The following CIITA variants were observed in gnomAD, a reference collection of about 807,000 sequenced individuals.
CIITA encodes the protein class II major histocompatibility complex transactivator.
Under a neutral mutation model 115.1 loss-of-function variants are expected in CIITA, and 72 were observed. The observed-to-expected ratio is 0.63, with a 90% confidence interval of 0.52 to 0.76. The LOEUF (loss-of-function observed/expected upper bound fraction) is 0.76, where lower values mean the gene tolerates loss of function less well. Among genes scored for constraint, CIITA ranks in the 30% least tolerant of loss-of-function variants. The pLI, the probability that CIITA is intolerant of heterozygous loss-of-function variation, is 0.00. For missense variants in CIITA, 1,617 were observed against 1,463.8 expected (o/e 1.10, Z -1.71); for synonymous variants, 763 against 635.6 (o/e 1.20, Z -3.02).
At position 10,942,177 on chromosome 16, in the gene CIITA, G is replaced by T. The variant is rs1351261614; in HGVS notation, n.1303G>T. 4.0e-6 allele frequency: 2 copies of T among 501,886 alleles called. No homozygotes were observed. Among genetic ancestry groups the T allele is most frequent in the Admixed American group, 9.3e-5 (2 of 21,574 alleles). The allele number at this position is 501,886 out of a possible 1,614,324, so 31.1% of individuals were successfully genotyped here. A position where few individuals can be genotyped will look rare whatever the true frequency, so the allele number is the denominator to read the frequency against. Reference sequence around the variant, plus strand: ...AATTGCGCCCCGACCCCCGAAATGCGCCGGGCGGGTCACCGCACCCCGAGA... The same window carrying T: ...AATTGCGCCCCGACCCCCGAAATGCTCCGGGCGGGTCACCGCACCCCGAGA... On this transcript the variant is annotated non_coding_transcript_exon_variant, in exon 2 of 2. Coordinates refer to the CIITA transcript ENST00000573379. This position sits in a 1 kb window ranked among gnomAD's most constrained non-coding sequence, Gnocchi z 5.0.
At chr16:10,881,020 T>C (rs886111084) in intron 1 of CIITA, among the ~76,000 whole-genome samples, 1 of 152,158 alleles carries the variant, frequency 6.6e-6, no homozygotes, top group Non-Finnish European at 1.5e-5. Flanking sequence ...ACACCTGTAA[T>C]CCTAGCACTT....
At chr16:10,887,361 T>G (rs1210382618) in intron 1 of CIITA, among the ~76,000 whole-genome samples, 2 of 152,142 alleles carry the variant, frequency 1.3e-5, no homozygotes, top group East Asian at 3.8e-4. Context: ...CTCAGAGGGC[T>G]AAGGTAATGT....
Position 10,907,867 on chromosome 16 carries a change from A to T in CIITA, c.2375A>T (p.Tyr792Phe), listed in dbSNP as rs1234424650. 1.2e-6 allele frequency: 2 copies of T among 1,608,708 alleles called. No homozygotes were observed. The highest frequency in any genetic ancestry group is 2.7e-5 in the African/African-American group (2 of 74,716). ...AGGAAGCAGAAGGTGCTTGCGAGGT[A>T]CCTGAAGCGGCTGCAGCCGGGGACA... Reference protein sequence around the residue: ...VDRKQKVLARYLKRLQPGTLR... With the variant: ...VDRKQKVLARFLKRLQPGTLR... Residue 792 changes from tyrosine to phenylalanine, a missense_variant, in exon 11 of 20, where the codon TAC becomes TTC. Physicochemically the swap from Tyr to Phe is conservative, Grantham distance 22 (BLOSUM62 3). Transcript: ENST00000324288. The surrounding 1 kb of genome is among the most constrained non-coding windows in gnomAD (Gnocchi z 5.0).
intron 13 of CIITA, among the ~76,000 whole-genome samples, chr16:10,913,872 C>T (rs911386584): frequency 1.3e-5 from 2 of 151,624 alleles, no homozygotes; most frequent in Admixed American, 1.3e-4. Flanking sequence ...AACCGGGAGG[C>T]GGAGGTTGCG....
At chr16:10,898,898 G>T in intron 4 of CIITA, 27 bp from the exon 5 acceptor site, 1 of 1,613,372 alleles carries the variant, frequency 6.2e-7, no homozygotes, top group Non-Finnish European at 8.5e-7. Flanking sequence ...GATTGTGTGA[G>T]TTGGTCTCTG....
chr16:10,907,973 G>A lies in CIITA; in HGVS notation c.2481G>A (p.Gln827=), dbSNP rs2144743167. The A allele has an allele frequency of 6.3e-7, 1 of 1,580,856 alleles. No individual in the cohort carries two copies. Among genetic ancestry groups the A allele is most frequent in the South Asian group, 1.2e-5 (1 of 85,548 alleles). ...CTGGAATTTGGCAGCACGTGGTACA[G>A]GAGCTCCCCGGCCGCCTCTCTTTTC... The part of the protein sequence containing the change: ...EEAGIWQHVV[Q]ELPGRLSFLG... The change falls in exon 11 of 20, where the codon CAG becomes CAA. Residue 827 remains glutamine (Q), a synonymous_variant. Coordinates refer to ENST00000324288, the MANE Select transcript of CIITA (RefSeq NM_000246.4). The surrounding 1 kb of genome is among the most constrained non-coding windows in gnomAD (Gnocchi z 5.0).
At position 10,902,038 on chromosome 16, in the gene CIITA, C is replaced by A; in HGVS notation, c.482C>A (p.Ala161Asp). The change falls in exon 7 of 20, where the codon GCT becomes GAT. Residue 161 changes from alanine to aspartate, a missense_variant and splice_region_variant. Transcript: ENST00000324288. Reference protein sequence around the residue: ...LPADLKHWKPAEPPTVVTGSL... With the variant: ...LPADLKHWKPDEPPTVVTGSL... ...TCTAACACAGCCCACTTCCTCACAG[C>A]TGAGCCCCCCACTGTGGTGACTGGC... 1.2e-6 allele frequency: 2 copies of A among 1,614,090 alleles called. No homozygotes were observed. The highest frequency in any genetic ancestry group is 1.7e-6 in the Non-Finnish European group (2 of 1,180,036).
At chr16:10,937,830 C>CA (rs1481565698), downstream of CIITA, 2 of 152,210 alleles carry the variant, frequency 1.3e-5, no homozygotes, top group African/African-American at 4.8e-5. The surrounding 1 kb of genome is among the most constrained non-coding windows in gnomAD (Gnocchi z 4.2). Context: ...TCTAGGAAAA[C>CA]CACAGAGCCG....
chr16:10,936,467 T>C (rs1276805431), downstream of CIITA: 2 of 152,218 alleles, frequency 1.3e-5, no homozygotes, highest in Non-Finnish European at 2.9e-5. Context: ...TACACAGGCA[T>C]GCATATACAA....
chr16:10,905,707 A>G (rs2039096641), intron 10 of CIITA, among the ~76,000 whole-genome samples: 2 of 151,942 alleles, frequency 1.3e-5, no homozygotes, highest in Admixed American at 6.6e-5. Context: ...GGTTGCCGTG[A>G]GCTGAGATTG....
chr16:10,918,711 C>A (rs1386278262), intron 16 of CIITA, among the ~76,000 whole-genome samples, 185 bp downstream of exon 16: 1 of 152,220 alleles, frequency 6.6e-6, no homozygotes, highest in African/African-American at 2.4e-5. Context: ...TTCCTAGCCG[C>A]TGTTTTCTTA....
intron 11 of CIITA, chr16:10,908,752 T>G: frequency 1.7e-6 from 1 of 594,146 alleles, no homozygotes; most frequent in Non-Finnish European, 3.0e-6. Context: ...CTAAACATAC[T>G]TTACCCAAGC....
Position 10,902,892 on chromosome 16 carries a change from T to C in CIITA, c.772+91T>C, listed in dbSNP as rs1017090777. On this transcript the variant is annotated intron_variant, in intron 8 of 19. Transcript: ENST00000324288. ...TCCCCATACTCCATGCACTTGGCAGTGGTGCCCTAGCACCTTCTCATGATC... is the reference window on the plus strand; with the variant it reads ...TCCCCATACTCCATGCACTTGGCAGCGGTGCCCTAGCACCTTCTCATGATC... 4 of 1,491,058 alleles carry C rather than the reference T, an allele frequency of 2.7e-6. No individual in the cohort carries two copies. The African/African-American group carries it at 4.1e-5, about 15-fold the overall frequency. The allele number at this position is 1,491,058 out of a possible 1,614,324, so 92.4% of individuals were successfully genotyped here.
In CIITA at chr16:10,925,251, TAGAG is replaced by T. The variant is rs992307858; in HGVS notation, c.*1402_*1405del. ...GGTGTCCCAAAAAGAAAGGAGGGGA[TAGAG>T]AGAGACCACTTTTCATAACCTAGCC... On this transcript the variant is annotated 3_prime_UTR_variant, in exon 20 of 20. Transcript: ENST00000324288. 10 of 152,346 alleles carry T rather than the reference TAGAG, an allele frequency of 6.6e-5. No homozygotes were observed. Among genetic ancestry groups the T allele is most frequent in the Admixed American group, 3.9e-4 (6 of 15,304 alleles). 9.4% of individuals were successfully genotyped at this position (152,346 alleles called of 1,614,324 possible).
chr16:10,901,430 C>T lies in CIITA; in HGVS notation c.437-84C>T, dbSNP rs2038741234. On this transcript the variant is annotated intron_variant, in intron 5 of 19. Coordinates refer to ENST00000324288, the MANE Select transcript of CIITA (RefSeq NM_000246.4). This position sits in a 1 kb window ranked among gnomAD's most constrained non-coding sequence, Gnocchi z 6.8. ...CCACTACCCAGCCTTGAAGTTAAGG[C>T]CGTATAGCCTGCTAGAGTCCTGAGC... The T allele has an allele frequency of 4.1e-6, 6 of 1,450,056 alleles. 1 individual carries two copies. In the South Asian group the frequency reaches 4.6e-5, roughly 11 times the overall value. 89.8% of individuals were successfully genotyped at this position (1,450,056 alleles called of 1,614,324 possible). A position where few individuals can be genotyped will look rare whatever the true frequency, so the allele number is the denominator to read the frequency against.
intron 13 of CIITA, among the ~76,000 whole-genome samples, 167 bp from the exon 14 acceptor site, chr16:10,915,403 G>C (rs1432433060): frequency 6.6e-6 from 1 of 152,092 alleles, no homozygotes; most frequent in Admixed American, 6.6e-5. Flanking sequence ...GAAAAGATTG[G>C]GGTCCTACGT....
chr16:10,906,877 C>T lies in CIITA; in HGVS notation c.1385C>T (p.Ala462Val). 2 of 1,613,488 alleles carry T rather than the reference C, an allele frequency of 1.2e-6. No individual in the cohort carries two copies. Among genetic ancestry groups the T allele is most frequent in the Non-Finnish European group, 1.7e-6 (2 of 1,180,036 alleles). ...PCHCLNRPGD[A>V]YGLQDLLFSL... ...CATTGCTTGAACCGTCCGGGGGATG[C>T]CTATGGCCTGCAGGATCTGCTCTTC... The change falls in exon 11 of 20, where the codon GCC (alanine) becomes GTC (valine). Residue 462 changes from alanine to valine, a missense_variant. By Grantham distance (64) the Ala-to-Val change is moderately conservative. Coordinates refer to ENST00000324288, the MANE Select transcript of CIITA (RefSeq NM_000246.4).
upstream of CIITA, among the ~76,000 whole-genome samples, chr16:10,872,348 C>G (rs2035545022): frequency 6.6e-6 from 1 of 152,186 alleles, no homozygotes; most frequent in Admixed American, 6.6e-5. Context: ...GTCTCAAACT[C>G]CTGACCTCAA....
chr16:10,866,651 G>C, intron 1 of CIITA: 1 of 397,602 alleles, frequency 2.5e-6, no homozygotes, highest in Non-Finnish European at 5.0e-6. Context: ...CTCTGAAAGG[G>C]AAGTCAATGG....
Sources: allele counts gnomAD v4.1 joint callset (sites outside exome capture counted in the v4.1 genomes callset), GRCh38; gene constraint gnomAD v4.1.1; non-coding constraint Gnocchi (gnomAD v3.1); transcripts MANE v1.5; gene names NCBI Gene and HGNC (gene_info 2026-07-23, HGNC 2026-07-21).